The following ARB2A variants were observed in gnomAD, a reference collection of about 807,000 sequenced individuals.
ARB2A encodes ARB2 cotranscriptional regulator A.
At chr5:93,857,110 C>T in the ARB2A span, among the ~76,000 whole-genome samples, 46 of 152,244 alleles carry the variant, frequency 3.0e-4, no homozygotes, top group Non-Finnish European at 5.4e-4. Flanking sequence ...TTTCACGAAC[C>T]GCGAATGCTG....
At chr5:94,086,985 T>C in the ARB2A span, among the ~76,000 whole-genome samples, 3 of 152,190 alleles carry the variant, frequency 2.0e-5, no homozygotes, top group African/African-American at 4.8e-5. Flanking sequence ...ATTGTTATCA[T>C]AGGAAATAGC....
chr5:93,637,777 A>G, the ARB2A span, among the ~76,000 whole-genome samples: 10 of 152,246 alleles, frequency 6.6e-5, no homozygotes, highest in African/African-American at 2.4e-4. Context: ...GTAAAGGATT[A>G]ACCTTGCCCA....
At chr5:93,622,277 G>C in the ARB2A span, among the ~76,000 whole-genome samples, 1 of 152,102 alleles carries the variant, frequency 6.6e-6, no homozygotes, top group East Asian at 1.9e-4. Flanking sequence ...ATTATGCAGA[G>C]AGATACCGCT....
chr5:93,897,623 T>G, the ARB2A span, among the ~76,000 whole-genome samples: 1 of 151,784 alleles, frequency 6.6e-6, no homozygotes, highest in East Asian at 1.9e-4. Flanking sequence ...TAGAGGAAAA[T>G]AAGATTAATT....
At chr5:94,004,587 A>G in the ARB2A span, among the ~76,000 whole-genome samples, 1 of 152,010 alleles carries the variant, frequency 6.6e-6, no homozygotes, top group Non-Finnish European at 1.5e-5. Flanking sequence ...ATCTCAAAAA[A>G]AAAAAAAAAT....
chr5:93,859,195 T>C, the ARB2A span, among the ~76,000 whole-genome samples: 5 of 152,118 alleles, frequency 3.3e-5, no homozygotes, highest in Admixed American at 3.3e-4. Context: ...ATTAACCATT[T>C]TGAAAAAAAT....
the ARB2A span, among the ~76,000 whole-genome samples, chr5:93,641,393 GA>G: frequency 2.0e-5 from 3 of 152,098 alleles, no homozygotes; most frequent in African/African-American, 7.2e-5. Context: ...ATTTCACAGA[GA>G]AAAGTTAAAA....
the ARB2A span, among the ~76,000 whole-genome samples, chr5:93,689,632 G>C: frequency 6.6e-6 from 1 of 151,942 alleles, no homozygotes; most frequent in East Asian, 1.9e-4. Flanking sequence ...ATATGTGGCA[G>C]ATATTCAAAA....
At chr5:93,868,806 TA>T in the ARB2A span, among the ~76,000 whole-genome samples, 1 of 152,182 alleles carries the variant, frequency 6.6e-6, no homozygotes, top group Non-Finnish European at 1.5e-5. Context: ...AGTCTTAGAA[TA>T]AACTACTGTA....
the ARB2A span, among the ~76,000 whole-genome samples, chr5:93,936,939 GGTT>G: frequency 2.0e-5 from 3 of 150,084 alleles, no homozygotes; most frequent in Admixed American, 6.6e-5. Flanking sequence ...AAATTATAAA[GGTT>G]TTTTTTTTTT....
chr5:94,058,474 A>T, the ARB2A span, among the ~76,000 whole-genome samples: 1,575 of 152,294 alleles, frequency 0.01, 16 homozygotes, highest in Non-Finnish European at 0.013. Flanking sequence ...TGTGATCTGT[A>T]TGTTTGAAAA....
the ARB2A span, among the ~76,000 whole-genome samples, chr5:93,917,650 G>C: frequency 6.6e-6 from 1 of 152,092 alleles, no homozygotes; most frequent in African/African-American, 2.4e-5. Context: ...GGCAAAGGCG[G>C]GAGGATTGCT....
chr5:93,949,571 T>A, the ARB2A span, among the ~76,000 whole-genome samples: 141 of 151,760 alleles, frequency 9.3e-4, no homozygotes, highest in Middle Eastern at 6.8e-3. Flanking sequence ...ATAAAAATAA[T>A]AATAATAATA....
chr5:93,716,692 G>A, the ARB2A span, among the ~76,000 whole-genome samples: 1 of 34,844 alleles, frequency 2.9e-5, no homozygotes, highest in Admixed American at 4.2e-4. Context: ...TATAAGCTGT[G>A]CAAAAAAAAA....
At chr5:93,709,360 C>T in the ARB2A span, among the ~76,000 whole-genome samples, 53 of 151,976 alleles carry the variant, frequency 3.5e-4, no homozygotes, top group African/African-American at 1.1e-3. Context: ...GAGGGCCAGG[C>T]GCGGTGGCTC....
At chr5:93,732,001 C>T in the ARB2A span, among the ~76,000 whole-genome samples, 14 of 152,254 alleles carry the variant, frequency 9.2e-5, no homozygotes, top group South Asian at 2.5e-3. Context: ...GGTTCAAGAC[C>T]GAAGTAGCTA....
chr5:94,012,294 T>C, the ARB2A span, among the ~76,000 whole-genome samples: 8 of 152,052 alleles, frequency 5.3e-5, no homozygotes, highest in Non-Finnish European at 1.0e-4. Flanking sequence ...CCCAGCTACT[T>C]GGGAGGCTGA....
the ARB2A span, among the ~76,000 whole-genome samples, chr5:93,715,123 A>G: frequency 1.3e-5 from 2 of 152,352 alleles, no homozygotes; most frequent in African/African-American, 4.8e-5. Context: ...TGTACATTAC[A>G]ACTACTTTTG....
At chr5:93,817,859 A>G in the ARB2A span, among the ~76,000 whole-genome samples, 1 of 152,184 alleles carries the variant, frequency 6.6e-6, no homozygotes, top group Non-Finnish European at 1.5e-5. Context: ...GACTTCATCA[A>G]AATTAAAACT....
Sources: gnomAD v4.1 joint callset for allele counts (sites outside exome capture counted in the v4.1 genomes callset) on GRCh38, gnomAD v4.1.1 for gene constraint, MANE v1.5 for transcripts, NCBI Gene and HGNC (gene_info 2026-07-23, HGNC 2026-07-21) for gene names.